SOX6: variants seen among roughly 807,000 people sequenced by gnomAD.
The protein encoded by SOX6 is SRY-box transcription factor 6, also known as transcription factor SOX-6.
A neutral mutation model predicts 97.8 loss-of-function variants in SOX6; 11 were observed. That is an observed-to-expected ratio of 0.11 (90% CI 0.07 to 0.19). SOX6 has a LOEUF of 0.19. Among genes scored for constraint, SOX6 ranks in the 10% least tolerant of loss-of-function variants. SOX6 has a pLI of 1.00. For missense variants in SOX6, 810 were observed against 1,039.5 expected (o/e 0.78, Z 3.04); for synonymous variants, 360 against 371.4 (o/e 0.97, Z 0.35).
At chr11:16,402,317 G>A (rs976002476) in intron 1 of SOX6, among the ~76,000 whole-genome samples, 13 of 151,558 alleles carry the variant, frequency 8.6e-5, no homozygotes, top group African/African-American at 1.9e-4. Flanking sequence ...ATAAAATCCC[G>A]TAGAGTGGTG....
At chr11:16,544,935 T>C (rs547438839) in intron 4 of SOX6, among the ~76,000 whole-genome samples, 2 of 152,132 alleles carry the variant, frequency 1.3e-5, no homozygotes, top group East Asian at 1.9e-4. Flanking sequence ...TTAAAACTTA[T>C]AGAGAGGGCC....
intron 4 of SOX6, among the ~76,000 whole-genome samples, chr11:16,196,830 C>CTTT (rs34023402): frequency 3.1e-4 from 20 of 63,508 alleles, no homozygotes; most frequent in African/African-American, 1.0e-3. Context: ...TCTTCTTCTT[C>CTTT]TTTTTTTTTT....
chr11:16,700,055 A>G (rs1848081656), intron 3 of SOX6, among the ~76,000 whole-genome samples: 1 of 152,130 alleles, frequency 6.6e-6, no homozygotes, highest in Non-Finnish European at 1.5e-5. Context: ...TAATGTGAAT[A>G]ATCAGAAATA....
At chr11:16,139,361 T>C (rs1202692193) in intron 6 of SOX6, among the ~76,000 whole-genome samples, 1 of 152,218 alleles carries the variant, frequency 6.6e-6, no homozygotes. Flanking sequence ...TTTCTTTCTG[T>C]AATGTCTTGT....
At chr11:16,706,912 C>A (rs570322690) in intron 3 of SOX6, among the ~76,000 whole-genome samples, 2 of 152,070 alleles carry the variant, frequency 1.3e-5, no homozygotes, top group Admixed American at 1.3e-4. Flanking sequence ...TCATTTCTTT[C>A]TCTATGTTAC....
At chr11:16,674,222 A>G (rs1337038506) in intron 3 of SOX6, among the ~76,000 whole-genome samples, 1 of 149,870 alleles carries the variant, frequency 6.7e-6, no homozygotes, top group African/African-American at 2.5e-5. Flanking sequence ...ATTCATCATG[A>G]TCAAGTGGGA....
At chr11:16,048,961 G>A (rs1302126080) in intron 11 of SOX6, among the ~76,000 whole-genome samples, 1 of 152,086 alleles carries the variant, frequency 6.6e-6, no homozygotes, top group Non-Finnish European at 1.5e-5. Flanking sequence ...ATATGTACAT[G>A]TATTGATAAT....
chr11:16,470,303 T>C (rs1232415620), intron 1 of SOX6, among the ~76,000 whole-genome samples: 1 of 152,162 alleles, frequency 6.6e-6, no homozygotes, highest in Non-Finnish European at 1.5e-5. Context: ...TTTTTAAAGA[T>C]AACGCACTTA....
intron 3 of SOX6, among the ~76,000 whole-genome samples, chr11:16,638,466 T>C (rs1848831282): frequency 6.6e-6 from 1 of 152,208 alleles, no homozygotes; most frequent in African/African-American, 2.4e-5. Context: ...ATGGTATTTC[T>C]AGTTCTAGAT....
At chr11:16,379,995 G>T (rs10832598) in intron 1 of SOX6, among the ~76,000 whole-genome samples, 41,440 of 151,288 alleles carry the variant, frequency 0.27, 5,996 homozygotes, top group East Asian at 0.52. Context: ...ATAAATATTT[G>T]ATACCATATG....
intron 4 of SOX6, among the ~76,000 whole-genome samples, chr11:16,495,056 T>C (rs1303959558): frequency 2.0e-5 from 3 of 151,990 alleles, no homozygotes; most frequent in African/African-American, 7.3e-5. Flanking sequence ...ATTGACACCC[T>C]CCACCTGCAG....
At chr11:16,094,554 C>T (rs1220547459) in intron 9 of SOX6, among the ~76,000 whole-genome samples, 1 of 151,896 alleles carries the variant, frequency 6.6e-6, no homozygotes, top group Admixed American at 6.6e-5. Context: ...CCTAATTTCT[C>T]ATTCTTCCAG....
chr11:16,282,921 G>C (rs2134245135), intron 3 of SOX6, among the ~76,000 whole-genome samples: 1 of 149,148 alleles, frequency 6.7e-6, no homozygotes, highest in East Asian at 2.0e-4. Flanking sequence ...CAATATTTTG[G>C]CAAGATATCA....
At chr11:16,730,233 GGAT>G (rs2134059469) in intron 2 of SOX6, among the ~76,000 whole-genome samples, 1 of 152,108 alleles carries the variant, frequency 6.6e-6, no homozygotes, top group African/African-American at 2.4e-5. Flanking sequence ...ACTCAGCTCT[GGAT>G]CAAGCCGACC....
At chr11:16,672,673 C>A (rs763038074) in intron 3 of SOX6, among the ~76,000 whole-genome samples, 1 of 152,162 alleles carries the variant, frequency 6.6e-6, no homozygotes, top group Non-Finnish European at 1.5e-5. Flanking sequence ...TCCCATGACA[C>A]ATGGGAATTG....
chr11:16,053,624 AG>A lies in SOX6; in HGVS notation c.1251+2127del, dbSNP rs1334741161. Among the ~76,000 whole-genome samples the A allele has an allele frequency of 4.0e-4, 61 of 152,306 alleles. 3 individuals carry two copies. Among genetic ancestry groups the A allele is most frequent in the Middle Eastern group, 3.4e-3 (1 of 294 alleles). On this transcript the variant is annotated intron_variant, in intron 10 of 15. Transcript: ENST00000683767. The stretch of plus-strand genomic sequence containing the variant: ...TGGCCAAGGTGATATAGCTAGTAAA[AG>A]TGGTAGAACCAGTATTTTAACAGAA...
chr11:16,557,053 T>G (rs941496691), intron 4 of SOX6, among the ~76,000 whole-genome samples: 1 of 151,788 alleles, frequency 6.6e-6, no homozygotes, highest in African/African-American at 2.4e-5. Context: ...CAAAATGTGG[T>G]GTTTCCCTTT....
intron 2 of SOX6, among the ~76,000 whole-genome samples, chr11:16,727,903 G>T (rs898223274): frequency 1.3e-5 from 2 of 151,798 alleles, no homozygotes; most frequent in Non-Finnish European, 2.9e-5. Context: ...AAACTCATAG[G>T]TTCTTTTTGA....
At chr11:16,547,058 T>A (rs1486078915) in intron 4 of SOX6, among the ~76,000 whole-genome samples, 1 of 152,024 alleles carries the variant, frequency 6.6e-6, no homozygotes, top group Non-Finnish European at 1.5e-5. Context: ...AAAACCACAA[T>A]GAGATATCAT....
Sources: gnomAD v4.1 joint callset for allele counts (sites outside exome capture counted in the v4.1 genomes callset) on GRCh38, gnomAD v4.1.1 for gene constraint, MANE v1.5 for transcripts, NCBI Gene and HGNC (gene_info 2026-07-23, HGNC 2026-07-21) for gene names.